PALS2: variants seen among roughly 807,000 people sequenced by gnomAD.
The protein encoded by PALS2 is protein associated with LIN7 2, MAGUK p55 family member, also known as protein PALS2.
Under a neutral mutation model 61.6 loss-of-function variants are expected in PALS2, and 27 were observed. The ratio of observed to expected loss-of-function variants is 0.44; its 90% CI spans 0.32 to 0.60. The LOEUF (loss-of-function observed/expected upper bound fraction) is 0.60. PALS2 is among the 20% of genes least tolerant of loss of function. The probability of loss-of-function intolerance (pLI) is 0.05; values close to 1 mark genes in which losing one functional copy is unlikely to be tolerated. For synonymous variants in PALS2, 236 were observed against 218.6 expected (o/e 1.08, Z -0.70); for missense variants, 554 against 639.4 (o/e 0.87, Z 1.44).
intron 2 of PALS2, among the ~76,000 whole-genome samples, chr7:24,625,779 AGC>A (rs1479636822): frequency 6.6e-6 from 1 of 152,192 alleles, no homozygotes; most frequent in African/African-American, 2.4e-5. Context: ...AATGAAATAA[AGC>A]AAAGAGTTAT....
chr7:24,616,273 G>T (rs1784290345), intron 1 of PALS2, among the ~76,000 whole-genome samples: 1 of 151,946 alleles, frequency 6.6e-6, no homozygotes. Context: ...GTTTACATAT[G>T]GCATGATCTT....
At chr7:24,655,021 A>G (rs576352456) in intron 5 of PALS2, among the ~76,000 whole-genome samples, 1 of 152,332 alleles carries the variant, frequency 6.6e-6, no homozygotes, top group African/African-American at 2.4e-5. Flanking sequence ...GTAAAAGGGG[A>G]CATGTGTTCA....
chr7:24,644,095 C>CTTTTTTTTTTT (rs59645237), intron 3 of PALS2, among the ~76,000 whole-genome samples: 17 of 134,246 alleles, frequency 1.3e-4, no homozygotes, highest in Non-Finnish European at 1.9e-4. Flanking sequence ...TTTCTTTTTT[C>CTTTTTTTTTTT]TTTTTTTTTT....
chr7:24,665,732 A>G (rs1397645928), intron 7 of PALS2, 45 bp downstream of exon 7: 2 of 1,529,788 alleles, frequency 1.3e-6, no homozygotes, highest in Non-Finnish European at 1.8e-6. Flanking sequence ...CTTTGTGACC[A>G]CCTTTCTTTG....
At chr7:24,607,600 T>A (rs555680101) in intron 1 of PALS2, among the ~76,000 whole-genome samples, 24 of 150,570 alleles carry the variant, frequency 1.6e-4, no homozygotes, top group African/African-American at 5.9e-4. Context: ...TATATGTGTG[T>A]GTATATATAC....
intron 3 of PALS2, among the ~76,000 whole-genome samples, chr7:24,646,256 T>C (rs1231499210): frequency 1.3e-5 from 2 of 152,174 alleles, no homozygotes; most frequent in Non-Finnish European, 2.9e-5. Flanking sequence ...TGCTTCCAGC[T>C]TTTGCCCATT....
At chr7:24,674,001 T>A (rs111584938) in intron 9 of PALS2, among the ~76,000 whole-genome samples, 55 of 151,736 alleles carry the variant, frequency 3.6e-4, no homozygotes, top group South Asian at 1.7e-3. Context: ...AGTGGGTTTT[T>A]TATATATATA....
At chr7:24,642,175 A>G (rs769690210) in intron 3 of PALS2, among the ~76,000 whole-genome samples, 1 of 152,144 alleles carries the variant, frequency 6.6e-6, no homozygotes, top group Non-Finnish European at 1.5e-5. Context: ...TTTCCTCACT[A>G]TGATAATGGA....
chr7:24,632,155 T>C (rs915845810), intron 2 of PALS2, among the ~76,000 whole-genome samples: 7 of 152,224 alleles, frequency 4.6e-5, no homozygotes, highest in Non-Finnish European at 1.0e-4. Flanking sequence ...ACTAAGATTG[T>C]TATATCATCT....
At chr7:24,584,649 A>G (rs1309313561) in intron 1 of PALS2, among the ~76,000 whole-genome samples, 1 of 151,876 alleles carries the variant, frequency 6.6e-6, no homozygotes, top group Non-Finnish European at 1.5e-5. Flanking sequence ...TTTGCTGTGC[A>G]GAAGCTCTTT....
chr7:24,579,193 A>G (rs1782746042), intron 1 of PALS2, among the ~76,000 whole-genome samples: 1 of 152,248 alleles, frequency 6.6e-6, no homozygotes, highest in South Asian at 2.1e-4. Flanking sequence ...AACCTCACAC[A>G]TAATACAAAT....
intron 1 of PALS2, chr7:24,597,142 C>T (rs997223187): frequency 6.6e-6 from 1 of 152,052 alleles, no homozygotes; most frequent in African/African-American, 2.4e-5. Flanking sequence ...TTAAAGGCAC[C>T]ATCTTTGGGA....
chr7:24,617,232 T>C (rs1173136513), intron 1 of PALS2, among the ~76,000 whole-genome samples: 2 of 152,218 alleles, frequency 1.3e-5, no homozygotes, highest in African/African-American at 4.8e-5. Flanking sequence ...CTAAGATTTC[T>C]GTTTTCTAAT....
intron 6 of PALS2, among the ~76,000 whole-genome samples, chr7:24,665,262 A>G (rs1255819164): frequency 1.3e-5 from 2 of 152,230 alleles, no homozygotes; most frequent in Non-Finnish European, 2.9e-5. Context: ...GGTGCTAGAT[A>G]AAATGTCCTG....
At chr7:24,652,251 T>G in intron 5 of PALS2, among the ~76,000 whole-genome samples, 1 of 152,188 alleles carries the variant, frequency 6.6e-6, no homozygotes, top group East Asian at 1.9e-4. Flanking sequence ...CCAGAATTCT[T>G]CTAGCTCACC....
At chr7:24,591,593 A>C (rs147708546) in intron 1 of PALS2, among the ~76,000 whole-genome samples, 4 of 152,134 alleles carry the variant, frequency 2.6e-5, no homozygotes, top group Non-Finnish European at 4.4e-5. Flanking sequence ...TAGACATGTA[A>C]ATTAAAATAG....
chr7:24,679,402 G>C lies in PALS2; in HGVS notation c.1317+69G>C, dbSNP rs1265607407. 26 of 1,517,482 alleles carry C rather than the reference G, an allele frequency of 1.7e-5. No homozygotes were observed. In the East Asian group the frequency reaches 5.7e-4, roughly 33 times the overall value. 94.0% of individuals were successfully genotyped at this position (1,517,482 alleles called of 1,614,324 possible). ...GTGGAGTTTTTTTCATGTGTGTCGG[G>C]GTTGTTGGGTTGGGGTTGTTTGTTT... On this transcript the variant is annotated intron_variant, in intron 10 of 11. Transcript: ENST00000222644.
At chr7:24,597,800 T>A (rs1783578226) in intron 1 of PALS2, among the ~76,000 whole-genome samples, 1 of 152,174 alleles carries the variant, frequency 6.6e-6, no homozygotes, top group African/African-American at 2.4e-5. Context: ...GATAAGCTCT[T>A]TTTTTCCTTT....
Position 24,689,940 on chromosome 7 carries a change from C to G in PALS2, c.*2326C>G, listed in dbSNP as rs1313689489. On this transcript the variant is annotated 3_prime_UTR_variant, in exon 12 of 12. Coordinates refer to ENST00000222644, the MANE Select transcript of PALS2 (RefSeq NM_001303037.2). ...TATAGCAGCACAAGAAGTTTATCTG[C>G]AAAATATTTCAATCATCTTGGTACA... 6.6e-6 allele frequency: 1 copy of G among 152,128 alleles called. No homozygotes were observed. The highest frequency in any genetic ancestry group is 1.5e-5 in the Non-Finnish European group (1 of 68,024). The allele number at this position is 152,128 out of a possible 1,614,324, so 9.4% of individuals were successfully genotyped here.
Sources: allele counts gnomAD v4.1 joint callset (sites outside exome capture counted in the v4.1 genomes callset), GRCh38; gene constraint gnomAD v4.1.1; transcripts MANE v1.5; gene names NCBI Gene and HGNC (gene_info 2026-07-23, HGNC 2026-07-21).